The following CACNA2D1 variants were observed in gnomAD, a reference collection of about 807,000 sequenced individuals.
CACNA2D1 encodes voltage-dependent calcium channel subunit alpha-2/delta-1.
Under a neutral mutation model 171.5 loss-of-function variants are expected in CACNA2D1, and 53 were observed. That is an observed-to-expected ratio of 0.31 (90% confidence interval 0.25 to 0.39). The LOEUF is 0.39. Among genes scored for constraint, CACNA2D1 ranks in the 10% least tolerant of loss-of-function variants. The pLI, the probability that CACNA2D1 is intolerant of heterozygous loss-of-function variation, is 1.00. For synonymous variants in CACNA2D1, 442 were observed against 443.1 expected (o/e 1.00, Z 0.03); for missense variants, 903 against 1,299.8 (o/e 0.69, Z 4.69).
chr7:82,062,729 CTTTTTTTTTTTTTTT>C (rs71520797), intron 9 of CACNA2D1, among the ~76,000 whole-genome samples: 2 of 52,172 alleles, frequency 3.8e-5, no homozygotes, highest in South Asian at 6.5e-4. Flanking sequence ...GGTATATCTC[CTTTTTTTTTTTTTTT>C]TTTTTTTTTT....
intron 4 of CACNA2D1, among the ~76,000 whole-genome samples, chr7:82,156,996 T>A (rs1794441196): frequency 6.6e-6 from 1 of 152,154 alleles, no homozygotes; most frequent in African/African-American, 2.4e-5. Flanking sequence ...GAATCTTACA[T>A]CTTCTAAAGG....
intron 1 of CACNA2D1, among the ~76,000 whole-genome samples, chr7:82,396,856 T>C (rs984965920): frequency 2.6e-5 from 4 of 152,216 alleles, no homozygotes; most frequent in African/African-American, 4.8e-5. Flanking sequence ...TACCTCCTCA[T>C]TGAAAAGAAC....
chr7:82,003,745 T>C (rs1050618482), intron 18 of CACNA2D1, among the ~76,000 whole-genome samples: 2 of 136,074 alleles, frequency 1.5e-5, no homozygotes, highest in Admixed American at 7.3e-5. Flanking sequence ...ATCACATTAC[T>C]TTTTTTTTTT....
chr7:81,991,147 A>G (rs1797500964), intron 21 of CACNA2D1, 38 bp downstream of exon 21: 1 of 991,254 alleles, frequency 1.0e-6, no homozygotes, highest in Non-Finnish European at 1.6e-6. Context: ...ATATTAATCC[A>G]TTGGAATACA....
chr7:82,422,687 G>A (rs1432430276), intron 1 of CACNA2D1, among the ~76,000 whole-genome samples: 1 of 152,050 alleles, frequency 6.6e-6, no homozygotes, highest in Non-Finnish European at 1.5e-5. Context: ...CGGAAGAAGT[G>A]TATAGTGACA....
chr7:82,167,165 T>C (rs1305834776), intron 4 of CACNA2D1, among the ~76,000 whole-genome samples: 2 of 152,110 alleles, frequency 1.3e-5, no homozygotes, highest in African/African-American at 2.4e-5. Context: ...CAGATGCACA[T>C]TGTTAAATAC....
intron 6 of CACNA2D1, among the ~76,000 whole-genome samples, chr7:82,087,417 G>A (rs866325302): frequency 3.3e-5 from 5 of 152,002 alleles, no homozygotes; most frequent in Admixed American, 2.6e-4. Flanking sequence ...TTTATACTAC[G>A]GAGAGAATAT....
At chr7:82,013,572 T>A in intron 13 of CACNA2D1, 62 bp from the exon 14 acceptor site, 5 of 554,396 alleles carry the variant, frequency 9.0e-6, no homozygotes, top group Non-Finnish European at 1.3e-5. Flanking sequence ...GCCACAAAAT[T>A]ATTTTATTTT....
At chr7:82,440,696 A>T (rs1830435339) in intron 1 of CACNA2D1, among the ~76,000 whole-genome samples, 1 of 151,896 alleles carries the variant, frequency 6.6e-6, no homozygotes, top group South Asian at 2.1e-4. Flanking sequence ...TCCAAAAGAA[A>T]ATTTATATTA....
rs145329997 is a variant in CACNA2D1 at position 81,988,511 on chromosome 7, C to G, written c.1796+2674G>C. On this transcript the variant is annotated intron_variant, in intron 21 of 38. Transcript: ENST00000356860. ...TAAGTTCCTATGATAATAACATAGG[C>G]TCCCATAAAAGCTTATGTGTATGTT... Among the ~76,000 whole-genome samples the G allele has an allele frequency of 2.3e-3, 349 of 152,248 alleles. 1 individual carries two copies. Among genetic ancestry groups the G allele is most frequent in the African/African-American group, 7.8e-3 (322 of 41,546 alleles).
chr7:82,045,715 C>T (rs926493998), intron 10 of CACNA2D1, among the ~76,000 whole-genome samples: 1 of 152,162 alleles, frequency 6.6e-6, no homozygotes, highest in African/African-American at 2.4e-5. Flanking sequence ...AAAGTATTAG[C>T]TAACATGTAT....
At chr7:82,434,265 T>G (rs913327762) in intron 1 of CACNA2D1, among the ~76,000 whole-genome samples, 4 of 152,216 alleles carry the variant, frequency 2.6e-5, no homozygotes, top group African/African-American at 4.8e-5. Flanking sequence ...CTCTTTTTGG[T>G]TTAAGATAGT....
chr7:82,278,754 C>G (rs555903271), intron 3 of CACNA2D1, among the ~76,000 whole-genome samples: 1 of 152,000 alleles, frequency 6.6e-6, no homozygotes, highest in South Asian at 2.1e-4. Context: ...AATTGAATCC[C>G]CACATTTTTA....
chr7:81,986,547 A>C (rs1355602424), intron 21 of CACNA2D1, among the ~76,000 whole-genome samples: 3 of 152,054 alleles, frequency 2.0e-5, no homozygotes, highest in Non-Finnish European at 4.4e-5. Flanking sequence ...ATAAATATTA[A>C]AATTTCACTC....
intron 1 of CACNA2D1, among the ~76,000 whole-genome samples, chr7:82,419,714 T>G (rs1828539446): frequency 6.6e-6 from 1 of 152,158 alleles, no homozygotes; most frequent in Non-Finnish European, 1.5e-5. Context: ...GTGACAAAAC[T>G]TTAGCAAAAT....
chr7:82,209,833 T>C (rs1800384474), intron 3 of CACNA2D1, among the ~76,000 whole-genome samples: 1 of 152,208 alleles, frequency 6.6e-6, no homozygotes, highest in South Asian at 2.1e-4. Context: ...TCTTTGTTTC[T>C]AAAAATTAAC....
intron 2 of CACNA2D1, 130 bp from the exon 3 acceptor site, chr7:82,335,381 T>C (rs2129444371): frequency 2.9e-6 from 2 of 687,474 alleles, no homozygotes; most frequent in East Asian, 5.1e-5. Context: ...CTTGATCTTT[T>C]TGGAGTTTGA....
chr7:82,253,625 A>C (rs1056418474), intron 3 of CACNA2D1, among the ~76,000 whole-genome samples: 1 of 152,242 alleles, frequency 6.6e-6, no homozygotes, highest in Non-Finnish European at 1.5e-5. Flanking sequence ...ATGAACATTA[A>C]TGTTAATGAT....
Position 82,237,081 on chromosome 7 carries a change from C to A in CACNA2D1, c.295-66472G>T, listed in dbSNP as rs1426250968. Among the ~76,000 whole-genome samples the A allele has an allele frequency of 2.6e-5, 4 of 151,808 alleles. No individual in the cohort carries two copies. The East Asian group carries it at 7.7e-4, about 29-fold the overall frequency. On this transcript the variant is annotated intron_variant, in intron 3 of 38. Coordinates refer to ENST00000356860, the MANE Select transcript of CACNA2D1 (RefSeq NM_000722.4). ...AAAATTAAAAATTACCACAGTAATT[C>A]TATAACCTGGTACTTATTTAAAGTG... is the stretch of plus-strand genomic sequence containing the variant.
Sources: gnomAD v4.1 joint callset for allele counts (sites outside exome capture counted in the v4.1 genomes callset) on GRCh38, gnomAD v4.1.1 for gene constraint, MANE v1.5 for transcripts, NCBI Gene and HGNC (gene_info 2026-07-23, HGNC 2026-07-21) for gene names.